The following PPP1R16B variants were observed in gnomAD, a reference collection of about 807,000 sequenced individuals.
PPP1R16B encodes the protein protein phosphatase 1 regulatory subunit 16B, also known as protein phosphatase 1 regulatory inhibitor subunit 16B.
A neutral mutation model predicts 61.7 loss-of-function variants in PPP1R16B; 14 were observed. The ratio of observed to expected loss-of-function variants is 0.23; its 90% CI spans 0.15 to 0.35. The LOEUF (loss-of-function observed/expected upper bound fraction) is 0.35, where lower values mean the gene tolerates loss of function less well. Ranked by LOEUF, PPP1R16B falls within the 10% of genes least tolerant of loss-of-function variation. PPP1R16B has a pLI of 1.00. For missense variants in PPP1R16B, 547 were observed against 752.5 expected, an observed-to-expected ratio of 0.73 and a Z score of 3.19; for synonymous variants, 266 against 305.3, an observed-to-expected ratio of 0.87 and a Z score of 1.34.
At chr20:38,884,968 G>C (rs1325176857) in intron 2 of PPP1R16B, among the ~76,000 whole-genome samples, 1 of 149,776 alleles carries the variant, frequency 6.7e-6, no homozygotes, top group South Asian at 2.1e-4. Flanking sequence ...GTACTTGGGA[G>C]GCTGAGGCAG....
intron 2 of PPP1R16B, among the ~76,000 whole-genome samples, chr20:38,883,861 A>G (rs978956376): frequency 1.6e-4 from 24 of 152,220 alleles, no homozygotes; most frequent in Middle Eastern, 6.3e-3. Context: ...CAGCAATGCC[A>G]TGAGGGAGCA....
Position 38,921,989 on chromosome 20 carries a change from T to C in PPP1R16B, c.*3323T>C, listed in dbSNP as rs1397802529. 1.3e-5 allele frequency: 2 copies of C among 152,160 alleles called. No homozygotes were observed. Among genetic ancestry groups the C allele is most frequent in the Non-Finnish European group, 2.9e-5 (2 of 68,042 alleles). The allele number at this position is 152,160 out of a possible 1,614,324, so 9.4% of individuals were successfully genotyped here. On this transcript the variant is annotated 3_prime_UTR_variant, in exon 11 of 11. Coordinates refer to ENST00000299824, the MANE Select transcript of PPP1R16B (RefSeq NM_015568.4). ...GGTCCTATGGCAGCTCCTCATTAGA[T>C]TAAAGGAGACCACTTCCAAAGCAGG... is the stretch of plus-strand genomic sequence containing the variant.
At chr20:38,911,287 C>T (rs1371921557) in intron 10 of PPP1R16B, among the ~76,000 whole-genome samples, 1 of 151,394 alleles carries the variant, frequency 6.6e-6, no homozygotes, top group Non-Finnish European at 1.5e-5. Context: ...CTGCCTCAGC[C>T]TCCCTAGTAG....
intron 2 of PPP1R16B, among the ~76,000 whole-genome samples, chr20:38,865,234 A>G (rs2085081897): frequency 6.7e-6 from 1 of 149,772 alleles, no homozygotes; most frequent in Admixed American, 6.6e-5. Context: ...TGGCACACAG[A>G]CCTCTGACTT....
At chr20:38,861,248 T>C (rs1348950370) in intron 2 of PPP1R16B, among the ~76,000 whole-genome samples, 2 of 152,152 alleles carry the variant, frequency 1.3e-5, no homozygotes, top group Non-Finnish European at 2.9e-5. Flanking sequence ...AGCTACCTGG[T>C]GGGATGTTGG....
At chr20:38,913,284 G>T (rs900433963) in intron 10 of PPP1R16B, among the ~76,000 whole-genome samples, 1 of 151,832 alleles carries the variant, frequency 6.6e-6, no homozygotes, top group Non-Finnish European at 1.5e-5. Flanking sequence ...ATTTTTTTTA[G>T]ATGGAATCTT....
At chr20:38,894,368 T>C (rs954919153) in intron 3 of PPP1R16B, among the ~76,000 whole-genome samples, 3 of 152,158 alleles carry the variant, frequency 2.0e-5, no homozygotes, top group African/African-American at 7.2e-5. Context: ...TCTATCCCTG[T>C]GGTCGTTTCT....
At chr20:38,869,301 GGC>G (rs1177529597) in intron 2 of PPP1R16B, among the ~76,000 whole-genome samples, 131 of 152,130 alleles carry the variant, frequency 8.6e-4, no homozygotes, top group Middle Eastern at 3.4e-3. Flanking sequence ...TGGAATTACA[GGC>G]GTGCACCACC....
chr20:38,857,319 T>C (rs1352181555), intron 2 of PPP1R16B, among the ~76,000 whole-genome samples: 1 of 152,264 alleles, frequency 6.6e-6, no homozygotes, highest in Non-Finnish European at 1.5e-5. Flanking sequence ...ATCTAGATAC[T>C]TGGAAAATAT....
intron 3 of PPP1R16B, 40 bp downstream of exon 3, chr20:38,889,705 C>G: frequency 6.6e-7 from 1 of 1,517,968 alleles, no homozygotes; most frequent in Non-Finnish European, 9.2e-7. Flanking sequence ...CTCCCTGCCC[C>G]TCACCTGGAC....
intron 3 of PPP1R16B, among the ~76,000 whole-genome samples, chr20:38,894,150 C>T (rs2085315082): frequency 7.2e-6 from 1 of 139,114 alleles, no homozygotes; most frequent in Non-Finnish European, 1.6e-5. Flanking sequence ...GACCGGCTGG[C>T]GCAGAAAGAA....
At chr20:38,826,815 C>G (rs1245738383) in intron 1 of PPP1R16B, among the ~76,000 whole-genome samples, 1 of 152,182 alleles carries the variant, frequency 6.6e-6, no homozygotes, top group East Asian at 1.9e-4. Flanking sequence ...CCATGGAGTT[C>G]CTGGTAGTGG....
chr20:38,880,475 T>G (rs141002161), intron 2 of PPP1R16B, among the ~76,000 whole-genome samples: 30 of 152,282 alleles, frequency 2.0e-4, no homozygotes, highest in African/African-American at 6.7e-4. Flanking sequence ...GAGACCAGCC[T>G]GGACAACATG....
intron 2 of PPP1R16B, among the ~76,000 whole-genome samples, chr20:38,846,549 C>T (rs975686680): frequency 1.3e-5 from 2 of 152,176 alleles, no homozygotes; most frequent in African/African-American, 4.8e-5. Flanking sequence ...TTTGTCTTAT[C>T]TTTATATACT....
chr20:38,812,799 A>G (rs928161663), intron 1 of PPP1R16B, among the ~76,000 whole-genome samples: 7 of 152,198 alleles, frequency 4.6e-5, no homozygotes, highest in Non-Finnish European at 8.8e-5. Flanking sequence ...GACTGGCCCC[A>G]AAGGGTGTTT....
chr20:38,858,017 C>T (rs899344651), intron 2 of PPP1R16B, among the ~76,000 whole-genome samples: 3 of 152,208 alleles, frequency 2.0e-5, no homozygotes, highest in Non-Finnish European at 4.4e-5. Context: ...GCTGGTTTCT[C>T]GTGAGGGCTC....
chr20:38,848,007 T>C (rs1410795684), intron 2 of PPP1R16B, among the ~76,000 whole-genome samples: 1 of 152,224 alleles, frequency 6.6e-6, no homozygotes, highest in Non-Finnish European at 1.5e-5. Flanking sequence ...ATCTTCCCAC[T>C]GTCTGTTTTT....
chr20:38,837,849 A>G (rs1443660479), intron 2 of PPP1R16B, among the ~76,000 whole-genome samples: 5 of 152,138 alleles, frequency 3.3e-5, no homozygotes, highest in Non-Finnish European at 5.9e-5. Flanking sequence ...TGCCTGGCCT[A>G]TGTTTCCAGA....
chr20:38,820,647 A>G (rs187130371), intron 1 of PPP1R16B, among the ~76,000 whole-genome samples: 76 of 152,198 alleles, frequency 5.0e-4, no homozygotes, highest in African/African-American at 1.6e-3. Flanking sequence ...TTTATAAGAC[A>G]TTGCTGAACA....
Sources: allele counts gnomAD v4.1 joint callset (sites outside exome capture counted in the v4.1 genomes callset), GRCh38; gene constraint gnomAD v4.1.1; transcripts MANE v1.5; gene names NCBI Gene and HGNC (gene_info 2026-07-23, HGNC 2026-07-21).